SLC8A1: variants seen among roughly 807,000 people sequenced by gnomAD.
The protein encoded by SLC8A1 is solute carrier family 8 member A1, also known as sodium/calcium exchanger 1.
In SLC8A1, 18 loss-of-function variants were observed where a neutral mutation model predicts 68.3. That is an observed-to-expected ratio of 0.26 (90% confidence interval 0.18 to 0.39). The LOEUF (loss-of-function observed/expected upper bound fraction) is 0.39, where lower values mean the gene tolerates loss of function less well. Among genes scored for constraint, SLC8A1 ranks in the 10% least tolerant of loss-of-function variants. The pLI is 1.00. For missense variants in SLC8A1, 985 were observed against 1,156.7 expected, an observed-to-expected ratio of 0.85 and a Z score of 2.15; for synonymous variants, 475 against 415.5, an observed-to-expected ratio of 1.14 and a Z score of -1.74.
exon 8 of SLC8A1, chr2:40,106,391 C>G (rs1042418576): frequency 2.0e-5 from 3 of 151,984 alleles, no homozygotes; most frequent in African/African-American, 7.3e-5. Context: ...CAACTGCTCA[C>G]AGCTTCTTTG....
At chr2:40,168,432 GT>G (rs2046917858) in intron 4 of SLC8A1, among the ~76,000 whole-genome samples, 3 of 152,098 alleles carry the variant, frequency 2.0e-5, no homozygotes, top group African/African-American at 7.2e-5. Context: ...GGTCAGGGCA[GT>G]TTTGACTTAA....
chr2:40,254,699 C>T lies in SLC8A1; in HGVS notation c.1809-76844G>A, dbSNP rs539643547. ...AATGCTGTCTAGTTGATCTGAATAA[C>T]TAACTGGTCAATTATCAGATCCACC... is the stretch of plus-strand genomic sequence containing the variant. On this transcript the variant is annotated intron_variant, in intron 2 of 7. Transcript: ENST00000406785. 7 of 152,318 alleles carry T rather than the reference C, an allele frequency of 4.6e-5. No individual in the cohort carries two copies. In the South Asian group the frequency reaches 1.5e-3, roughly 32 times the overall value. 9.4% of individuals were successfully genotyped at this position (152,318 alleles called of 1,614,324 possible).
chr2:40,376,960 ATTCTC>A (rs1442509027), intron 2 of SLC8A1, among the ~76,000 whole-genome samples: 5 of 152,090 alleles, frequency 3.3e-5, no homozygotes, highest in African/African-American at 7.2e-5. Context: ...CAGGTATATA[ATTCTC>A]TTCTCTTGAG....
intron 7 of SLC8A1, among the ~76,000 whole-genome samples, chr2:40,138,456 C>T (rs2040935569): frequency 1.3e-5 from 2 of 152,138 alleles, no homozygotes; most frequent in Admixed American, 1.3e-4. Flanking sequence ...TTGTCCTTGG[C>T]TTGGTATTTG....
At chr2:40,109,888 A>C (rs1444081725) in exon 8 of SLC8A1, 1 of 152,198 alleles carries the variant, frequency 6.6e-6, no homozygotes, top group Non-Finnish European at 1.5e-5. Flanking sequence ...TTCCTGAAAA[A>C]ATATGGGTCA....
At chr2:40,246,471 G>A (rs1045585574) in intron 2 of SLC8A1, among the ~76,000 whole-genome samples, 1 of 152,154 alleles carries the variant, frequency 6.6e-6, no homozygotes, top group Admixed American at 6.5e-5. Flanking sequence ...TTGTTCATTT[G>A]TTCTTCTATG....
chr2:40,449,593 T>C (rs572357114), intron 1 of SLC8A1, among the ~76,000 whole-genome samples: 1 of 152,324 alleles, frequency 6.6e-6, no homozygotes, highest in South Asian at 2.1e-4. Flanking sequence ...GTTACTCCCA[T>C]GCTCTTTTCT....
intron 2 of SLC8A1, among the ~76,000 whole-genome samples, chr2:40,220,721 T>A (rs1376752461): frequency 1.3e-5 from 2 of 152,164 alleles, no homozygotes; most frequent in Non-Finnish European, 2.9e-5. Flanking sequence ...TCTCTATTTG[T>A]CTCGCTCTTT....
chr2:40,277,818 ATATATATATATATT>A (rs1056968976), intron 2 of SLC8A1, among the ~76,000 whole-genome samples: 3 of 141,806 alleles, frequency 2.1e-5, no homozygotes, highest in Admixed American at 2.1e-4. Context: ...ATATATATAT[ATATATATATATATT>A]TGTAACATAT....
At chr2:40,218,447 T>C (rs570688234) in intron 2 of SLC8A1, among the ~76,000 whole-genome samples, 1 of 152,226 alleles carries the variant, frequency 6.6e-6, no homozygotes, top group Admixed American at 6.5e-5. Context: ...CATATTTGAT[T>C]GGTACAAAAT....
chr2:40,362,560 A>T (rs997804761), intron 2 of SLC8A1, among the ~76,000 whole-genome samples: 1 of 152,266 alleles, frequency 6.6e-6, no homozygotes, highest in Admixed American at 6.5e-5. Context: ...TTAATAATAC[A>T]CTATGTTAAT....
rs116749960 is a variant in SLC8A1, at chr2:40,334,540, C to T, written c.1808+93933G>A. Among the ~76,000 whole-genome samples, 681 of 152,060 alleles carry T rather than the reference C, an allele frequency of 4.5e-3. 4 individuals are homozygous for T. The highest frequency in any genetic ancestry group is 0.016 in the African/African-American group (643 of 41,482). ...TCTTAAAAGCTTATTTTATTGGTAC[C>T]AGTAATAAAATCATTATCTGTGATT... On this transcript the variant is annotated intron_variant, in intron 2 of 7. Transcript: ENST00000406785.
At chr2:40,246,676 T>C (rs1470587919) in intron 2 of SLC8A1, among the ~76,000 whole-genome samples, 3 of 152,212 alleles carry the variant, frequency 2.0e-5, no homozygotes, top group Non-Finnish European at 4.4e-5. Context: ...TGCTACTTCA[T>C]TAATTCCAGA....
At chr2:40,490,162 C>G (rs1705222016) in intron 1 of SLC8A1, among the ~76,000 whole-genome samples, 2 of 152,100 alleles carry the variant, frequency 1.3e-5, no homozygotes, top group African/African-American at 4.8e-5. Context: ...TATGCATCAT[C>G]TAAACATCAA....
rs1297507311 is a variant in SLC8A1 at position 40,459,209 on chromosome 2, G to A, written c.-24-28905C>T. On this transcript the variant is annotated intron_variant, in intron 1 of 7. Transcript: ENST00000402441. ...TTGTAGGGTGTCATATGGAGAAACT[G>A]CTATGAAGCTCATAAAGCAGGAAAA... is the stretch of plus-strand genomic sequence containing the variant. Among the ~76,000 whole-genome samples, 16 of 152,284 alleles carry A rather than the reference G, an allele frequency of 1.1e-4. No individual in the cohort carries two copies. The South Asian group carries it at 2.9e-3, about 28-fold the overall frequency.
chr2:40,439,574 T>G (rs981071355), intron 1 of SLC8A1, among the ~76,000 whole-genome samples: 1 of 152,102 alleles, frequency 6.6e-6, no homozygotes, highest in Non-Finnish European at 1.5e-5. Flanking sequence ...CCAGCAAGAT[T>G]TTTTTCTTTT....
At chr2:40,356,067 A>G (rs1672566310) in intron 2 of SLC8A1, among the ~76,000 whole-genome samples, 1 of 151,848 alleles carries the variant, frequency 6.6e-6, no homozygotes, top group African/African-American at 2.4e-5. Context: ...CTCTCCACAA[A>G]ATGGAGCTGA....
chr2:40,268,118 A>T (rs1051117942), intron 2 of SLC8A1, among the ~76,000 whole-genome samples: 3 of 152,192 alleles, frequency 2.0e-5, no homozygotes, highest in Admixed American at 1.3e-4. Flanking sequence ...AAGTTAGGAG[A>T]TATAAAGTGA....
At chr2:40,432,826 G>T (rs748403323) in intron 1 of SLC8A1, among the ~76,000 whole-genome samples, 18 of 151,938 alleles carry the variant, frequency 1.2e-4, no homozygotes, top group Non-Finnish European at 2.5e-4. Flanking sequence ...AAGACTGAAG[G>T]GGCAAGGGTG....
Sources: gnomAD v4.1 joint callset for allele counts (sites outside exome capture counted in the v4.1 genomes callset) on GRCh38, gnomAD v4.1.1 for gene constraint, MANE v1.5 for transcripts, NCBI Gene and HGNC (gene_info 2026-07-23, HGNC 2026-07-21) for gene names.